OXR1: variants seen among roughly 807,000 people sequenced by gnomAD.
The protein encoded by OXR1 is oxidation resistance protein 1.
A neutral mutation model predicts 104.6 loss-of-function variants in OXR1; 41 were observed. The observed-to-expected ratio is 0.39, with a 90% CI of 0.31 to 0.51. The LOEUF (loss-of-function observed/expected upper bound fraction) is 0.51, where lower values mean the gene tolerates loss of function less well. Among genes scored for constraint, OXR1 ranks in the 20% least tolerant of loss-of-function variants. The probability of loss-of-function intolerance (pLI) is 0.77; values close to 1 mark genes in which losing one functional copy is unlikely to be tolerated. For synonymous variants in OXR1, 348 were observed against 348.4 expected (o/e 1.00, Z 0.01); for missense variants, 955 against 1,031.9 (o/e 0.93, Z 1.02).
At chr8:106,347,305 C>T (rs1247067027) in intron 1 of OXR1, among the ~76,000 whole-genome samples, 1 of 152,196 alleles carries the variant, frequency 6.6e-6, no homozygotes, top group East Asian at 1.9e-4. Flanking sequence ...AAATGCCTCA[C>T]TTCAGGATTG....
chr8:106,657,590 C>A (rs1330875182), intron 3 of OXR1: 1 of 155,346 alleles, frequency 6.4e-6, no homozygotes, highest in East Asian at 1.9e-4. Context: ...CTGGGCGGGC[C>A]AGGCCAGCTC....
At chr8:106,639,173 C>T (rs1335333498) in intron 3 of OXR1, among the ~76,000 whole-genome samples, 1 of 152,192 alleles carries the variant, frequency 6.6e-6, no homozygotes, top group East Asian at 1.9e-4. Context: ...CCCCTTCTGA[C>T]TGGTTGCTAT....
chr8:106,704,553 A>C (rs1830953823), intron 8 of OXR1, among the ~76,000 whole-genome samples: 1 of 150,682 alleles, frequency 6.6e-6, no homozygotes, highest in African/African-American at 2.4e-5. Context: ...ACCTGCCACC[A>C]CATCTGGCTA....
chr8:106,713,898 A>G lies in OXR1; in HGVS notation c.1869A>G (p.Arg623=). 2 of 1,591,870 alleles carry G rather than the reference A, an allele frequency of 1.3e-6. No homozygotes were observed. The highest frequency in any genetic ancestry group is 1.7e-4 in the Middle Eastern group (1 of 6,002). Residue 623 remains arginine (R), a synonymous_variant, in exon 11 of 17, where the codon AGA becomes AGG. Coordinates refer to ENST00000517566, the MANE Select transcript of OXR1 (RefSeq NM_001198533.2). ...IYAEDTGEYT[R]EPGFIVVKKI... The stretch of plus-strand genomic sequence containing the variant: ...CAGAAGATACTGGCGAATATACCAG[A>G]GAACCTGGATTTATAGTAGTAAAAA...
At chr8:106,579,804 T>C (rs1377284474) in intron 3 of OXR1, among the ~76,000 whole-genome samples, 3 of 152,080 alleles carry the variant, frequency 2.0e-5, no homozygotes, top group Non-Finnish European at 4.4e-5. Flanking sequence ...TCACAATCTG[T>C]CTAGTTCTTC....
At chr8:106,747,897 T>C (rs1326850740) in intron 16 of OXR1, among the ~76,000 whole-genome samples, 1 of 152,236 alleles carries the variant, frequency 6.6e-6, no homozygotes, top group African/African-American at 2.4e-5. Context: ...AATTTTGAGG[T>C]ACTACTTAGA....
chr8:106,484,344 A>G (rs1216557331), intron 2 of OXR1, among the ~76,000 whole-genome samples: 1 of 152,136 alleles, frequency 6.6e-6, no homozygotes, highest in Non-Finnish European at 1.5e-5. Flanking sequence ...GAGGTGATGG[A>G]TAGCCCAGTT....
At chr8:106,464,605 C>T (rs1201365704) in intron 2 of OXR1, among the ~76,000 whole-genome samples, 2 of 151,938 alleles carry the variant, frequency 1.3e-5, no homozygotes, top group Non-Finnish European at 2.9e-5. Flanking sequence ...GGAGATATCC[C>T]CAGGTTGCTT....
intron 2 of OXR1, among the ~76,000 whole-genome samples, chr8:106,413,924 C>T (rs1818564143): frequency 6.6e-6 from 1 of 152,006 alleles, no homozygotes; most frequent in Non-Finnish European, 1.5e-5. Context: ...GACAGGGTTT[C>T]ACCATGTTGA....
At chr8:106,610,882 C>T (rs761960755) in intron 3 of OXR1, among the ~76,000 whole-genome samples, 4 of 152,186 alleles carry the variant, frequency 2.6e-5, no homozygotes, top group Non-Finnish European at 5.9e-5. Flanking sequence ...ACAGTCCTTC[C>T]GTCAATAAGG....
At chr8:106,416,089 G>C (rs1818666645) in intron 2 of OXR1, among the ~76,000 whole-genome samples, 1 of 152,120 alleles carries the variant, frequency 6.6e-6, no homozygotes, top group African/African-American at 2.4e-5. Flanking sequence ...ATTGGTGTAG[G>C]TAAACTTGAG....
At chr8:106,430,408 T>G (rs1345693404) in intron 2 of OXR1, among the ~76,000 whole-genome samples, 1 of 152,186 alleles carries the variant, frequency 6.6e-6, no homozygotes, top group Non-Finnish European at 1.5e-5. Flanking sequence ...ATTAATATGT[T>G]CAAAATGAGC....
At chr8:106,526,710 T>C (rs569186182) in intron 3 of OXR1, among the ~76,000 whole-genome samples, 1 of 152,050 alleles carries the variant, frequency 6.6e-6, no homozygotes, top group Admixed American at 6.6e-5. Context: ...GCCCGGCTAA[T>C]TTTTTTGTAT....
intron 3 of OXR1, among the ~76,000 whole-genome samples, chr8:106,520,844 CT>C (rs1411552427): frequency 6.6e-6 from 1 of 152,134 alleles, no homozygotes; most frequent in African/African-American, 2.4e-5. Flanking sequence ...ATCCTACAAA[CT>C]CAATGTTCCT....
At position 106,413,724 on chromosome 8, in the gene OXR1, CT is replaced by C. The variant is rs147530944; in HGVS notation, c.23+54105del. ...TAATATATAGCTAATGCTGTATCTA[CT>C]TTTTTTTTTTTTTTTTGAGACAAAG... On this transcript the variant is annotated intron_variant, in intron 2 of 16. Coordinates refer to ENST00000517566, the MANE Select transcript of OXR1 (RefSeq NM_001198533.2). Among the ~76,000 whole-genome samples, 389 of 73,464 alleles carry C rather than the reference CT, an allele frequency of 5.3e-3. 1 individual carries two copies. The highest frequency in any genetic ancestry group is 0.016 in the South Asian group (21 of 1,352). 48.2% of individuals were successfully genotyped at this position (73,464 alleles called of 152,430 possible).
chr8:106,582,177 C>CATAT (rs71562108), intron 3 of OXR1, among the ~76,000 whole-genome samples: 19,351 of 118,886 alleles, frequency 0.16, 1,609 homozygotes, highest in Middle Eastern at 0.23. Context: ...TTTCTATTGA[C>CATAT]ATATATATAT....
chr8:106,564,143 T>C (rs1008124809), intron 3 of OXR1, among the ~76,000 whole-genome samples: 1 of 151,734 alleles, frequency 6.6e-6, no homozygotes, highest in Non-Finnish European at 1.5e-5. Context: ...AGAGCAGAAC[T>C]GAAGGAGATA....
chr8:106,284,052 A>C (rs1200027303), intron 1 of OXR1, among the ~76,000 whole-genome samples: 1 of 152,082 alleles, frequency 6.6e-6, no homozygotes, highest in Non-Finnish European at 1.5e-5. Flanking sequence ...GGATCCAAGT[A>C]TGTGCCAGGC....
chr8:106,556,097 T>A (rs988884055), intron 3 of OXR1, among the ~76,000 whole-genome samples: 2 of 151,916 alleles, frequency 1.3e-5, no homozygotes, highest in African/African-American at 4.8e-5. Flanking sequence ...TCAGAAAAGA[T>A]CAATCTGTGG....
Sources: allele counts gnomAD v4.1 joint callset (sites outside exome capture counted in the v4.1 genomes callset), GRCh38; gene constraint gnomAD v4.1.1; transcripts MANE v1.5; gene names NCBI Gene and HGNC (gene_info 2026-07-23, HGNC 2026-07-21).